PARP4: variants seen among roughly 807,000 people sequenced by gnomAD.
PARP4 encodes the protein protein mono-ADP-ribosyltransferase PARP4.
A neutral mutation model predicts 187.7 loss-of-function variants in PARP4; 120 were observed. The observed-to-expected ratio is 0.64, with a 90% CI of 0.55 to 0.74. The LOEUF is 0.74. Among genes scored for constraint, PARP4 ranks in the 30% least tolerant of loss-of-function variants. PARP4 has a pLI of 0.00. For synonymous variants in PARP4, 654 were observed against 740.9 expected (o/e 0.88, Z 1.90); for missense variants, 1,836 against 2,070.5 (o/e 0.89, Z 2.20).
At chr13:24,489,558 G>T (rs1250265257) in intron 10 of PARP4, among the ~76,000 whole-genome samples, 1 of 152,156 alleles carries the variant, frequency 6.6e-6, no homozygotes, top group African/African-American at 2.4e-5. Flanking sequence ...GCAGTGAGCC[G>T]AGATCGCGTC....
chr13:24,496,302 T>C (rs1038535101), intron 6 of PARP4, among the ~76,000 whole-genome samples: 3 of 152,194 alleles, frequency 2.0e-5, no homozygotes, highest in African/African-American at 7.2e-5. Context: ...CCTTTCTCCT[T>C]CTTGGACACA....
rs373578970 is a variant in PARP4, at chr13:24,450,504, T to C, written c.3015-687A>G. ...TGTCTTTACCCTCCATATTAATTGG[T>C]GATGATCATAACATTGACTAGAAGA... On this transcript the variant is annotated intron_variant, in intron 24 of 33. Transcript: ENST00000381989. Among the ~76,000 whole-genome samples the C allele has an allele frequency of 7.2e-5, 11 of 152,032 alleles. No homozygotes were observed. In the East Asian group the frequency reaches 1.7e-3, roughly 24 times the overall value.
At chr13:24,471,596 G>A (rs1872732251) in intron 15 of PARP4, among the ~76,000 whole-genome samples, 1 of 151,620 alleles carries the variant, frequency 6.6e-6, no homozygotes, top group African/African-American at 2.4e-5. Flanking sequence ...GCACATATAA[G>A]AATCTACACC....
At chr13:24,438,856 G>A (rs1232124279) in intron 30 of PARP4, among the ~76,000 whole-genome samples, 2 of 152,218 alleles carry the variant, frequency 1.3e-5, no homozygotes, top group East Asian at 1.9e-4. Flanking sequence ...TGCGGCTGGC[G>A]TGTTACTGAA....
rs780406069 is a variant in PARP4 at position 24,501,653 on chromosome 13, T to G, written c.314A>C (p.Asp105Ala). The G allele has an allele frequency of 4.3e-6, 7 of 1,613,094 alleles. No homozygotes were observed. The South Asian group carries it at 7.7e-5, about 18-fold the overall frequency. The part of the protein sequence containing the change: ...YKPLDITPPP[D>A]QKASSSEVKT... ...CCTACCAGAACTGCTCGCCTTCTGA[T>G]CAGGAGGTGGTGTGATGTCCAGGGG... The change falls in exon 3 of 34, where the codon GAT (aspartate) becomes GCT (alanine). Residue 105 changes from aspartate to alanine, a missense_variant. Coordinates refer to ENST00000381989, the MANE Select transcript of PARP4 (RefSeq NM_006437.4).
chr13:24,470,575 C>A (rs1195030859), intron 15 of PARP4, among the ~76,000 whole-genome samples: 2 of 152,120 alleles, frequency 1.3e-5, no homozygotes, highest in African/African-American at 4.8e-5. Context: ...TTCCAACAGA[C>A]TGTTTTCATC....
intron 15 of PARP4, among the ~76,000 whole-genome samples, chr13:24,470,251 T>C (rs1872673832): frequency 1.3e-5 from 2 of 152,220 alleles, no homozygotes; most frequent in Admixed American, 6.5e-5. Flanking sequence ...CTGACTGGAA[T>C]AGAAGCCACC....
chr13:24,468,069 C>A (rs1316506882), intron 17 of PARP4, among the ~76,000 whole-genome samples: 9 of 152,152 alleles, frequency 5.9e-5, no homozygotes, highest in Non-Finnish European at 1.3e-4. Context: ...AACACCATGG[C>A]CATGTGTCAC....
intron 9 of PARP4, among the ~76,000 whole-genome samples, chr13:24,491,753 G>C (rs557287486): frequency 6.6e-6 from 1 of 151,908 alleles, no homozygotes; most frequent in East Asian, 1.9e-4. Context: ...CAGCTCAGAG[G>C]AGATGGCCCA....
rs1259998836 is a variant in PARP4, at chr13:24,455,206, T to C, written c.2569A>G (p.Met857Val). The change falls in exon 22 of 34, where the codon ATG becomes GTG. Residue 857 changes from methionine to valine, a missense_variant. By Grantham distance (21) the Met-to-Val change is conservative. This residue lies in a region of PARP4 where 1,147 missense variants were observed against 1,214.2 expected (regional missense o/e 0.94). Coordinates refer to ENST00000381989, the MANE Select transcript of PARP4 (RefSeq NM_006437.4). ...TCGAGATCGGGTTGAAAGACAAGCA[T>C]GCAAGCCTGAAAGGAGAAAGAAGGT... ...KHPEKESEAC[M>V]LVFQPDLDVD... 1 of 1,587,650 alleles carries C rather than the reference T, an allele frequency of 6.3e-7. No individual in the cohort carries two copies. The highest frequency in any genetic ancestry group is 8.6e-7 in the Non-Finnish European group (1 of 1,159,396).
At chr13:24,426,776 C>T (rs1398282636) in intron 32 of PARP4, among the ~76,000 whole-genome samples, 178 bp from the exon 33 acceptor site, 1 of 151,006 alleles carries the variant, frequency 6.6e-6, no homozygotes, top group Non-Finnish European at 1.5e-5. Context: ...CCTGTAGTCC[C>T]AGCTACTCGG....
intron 32 of PARP4, among the ~76,000 whole-genome samples, chr13:24,429,565 G>A (rs541908984): frequency 1.3e-5 from 2 of 152,288 alleles, no homozygotes; most frequent in South Asian, 4.1e-4. Context: ...CCTTGATCAT[G>A]AGATATGATC....
intron 14 of PARP4, among the ~76,000 whole-genome samples, chr13:24,476,003 T>A (rs1872965226): frequency 6.6e-6 from 1 of 152,156 alleles, no homozygotes; most frequent in East Asian, 1.9e-4. Context: ...TCCAGGCTGG[T>A]CTTGAACTCC....
In PARP4 at chr13:24,420,936, TAA is replaced by T. The variant is rs202242712; in HGVS notation, c.*181_*182del. 7 of 676,320 alleles carry T rather than the reference TAA, an allele frequency of 1.0e-5. No individual in the cohort carries two copies. The highest frequency in any genetic ancestry group is 3.7e-5 in the East Asian group (1 of 26,878). The allele number at this position is 676,320 out of a possible 1,614,324, so 41.9% of individuals were successfully genotyped here. On this transcript the variant is annotated 3_prime_UTR_variant, in exon 34 of 34. Coordinates refer to ENST00000381989, the MANE Select transcript of PARP4 (RefSeq NM_006437.4). The stretch of plus-strand genomic sequence containing the variant: ...TGAGACACAGAAAACTGAAATATTT[TAA>T]GTTTCATTTTATTATTGCTTGTTAG...
chr13:24,494,659 T>C lies in PARP4; in HGVS notation c.655A>G (p.Ile219Val), dbSNP rs755129700. The change falls in exon 7 of 34, where the codon ATT becomes GTT. Residue 219 changes from isoleucine (I) to valine (V), a missense_variant. Physicochemically the swap from Ile to Val is conservative, Grantham distance 29. Around this residue, in one of 8 missense-constraint regions of PARP4, gnomAD observed 1,147 missense variants for 1,214.2 expected, o/e 0.94. Transcript: ENST00000381989. ...AATCCTTGTTTCTTCAGTTCTTCAA[T>C]GTAATTTTCAAAGTATTCACTTGCA... ...EDASEYFENY[I>V]EELKKQGFLL... 34 of 1,609,912 alleles carry C rather than the reference T, an allele frequency of 2.1e-5. No individual in the cohort carries two copies. The highest frequency in any genetic ancestry group is 2.6e-5 in the Non-Finnish European group (31 of 1,176,654).
intron 9 of PARP4, among the ~76,000 whole-genome samples, chr13:24,491,314 G>GT (rs1424370779): frequency 6.6e-6 from 1 of 152,032 alleles, no homozygotes; most frequent in Non-Finnish European, 1.5e-5. Flanking sequence ...TAGAGATGGG[G>GT]TTTCACCATG....
intron 10 of PARP4, among the ~76,000 whole-genome samples, chr13:24,487,102 A>C (rs1442212999): frequency 1.3e-5 from 2 of 150,692 alleles, no homozygotes; most frequent in African/African-American, 4.9e-5. Context: ...CCTACTAAAA[A>C]TACAAAAATT....
At chr13:24,466,148 C>T (rs1052418969) in intron 17 of PARP4, among the ~76,000 whole-genome samples, 1 of 152,176 alleles carries the variant, frequency 6.6e-6, no homozygotes, top group African/African-American at 2.4e-5. Context: ...ATATTTAACA[C>T]ATATTTAACA....
intron 15 of PARP4, 98 bp from the exon 16 acceptor site, chr13:24,470,123 T>C (rs961550585): frequency 1.7e-6 from 2 of 1,151,718 alleles, no homozygotes; most frequent in Non-Finnish European, 2.4e-6. Context: ...TTTATTTGAA[T>C]TTCCTTGAAT....
Sources: allele counts gnomAD v4.1 joint callset (sites outside exome capture counted in the v4.1 genomes callset), GRCh38; gene constraint gnomAD v4.1.1; regional missense constraint gnomAD v4.1.1; transcripts MANE v1.5; gene names NCBI Gene and HGNC (gene_info 2026-07-23, HGNC 2026-07-21).